Variants in SEMA5A observed in about 807,000 individuals in gnomAD.
SEMA5A encodes semaphorin-5A.
In SEMA5A, 55 loss-of-function variants were observed where a neutral mutation model predicts 135.5. The ratio of observed to expected loss-of-function variants is 0.41; its 90% confidence interval spans 0.33 to 0.51. The LOEUF is 0.51. SEMA5A is among the 20% of genes least tolerant of loss of function. The probability of loss-of-function intolerance (pLI) is 0.37; values close to 1 mark genes in which losing one functional copy is unlikely to be tolerated. For synonymous variants in SEMA5A, 580 were observed against 546.5 expected, an observed-to-expected ratio of 1.06 and a Z score of -0.85; for missense variants, 1,290 against 1,419.9, an observed-to-expected ratio of 0.91 and a Z score of 1.47.
intron 5 of SEMA5A, among the ~76,000 whole-genome samples, chr5:9,241,129 C>G (rs970517265): frequency 5.3e-5 from 8 of 152,078 alleles, no homozygotes; most frequent in Non-Finnish European, 1.0e-4. Flanking sequence ...AGATTAGATA[C>G]AGTAGGCAGT....
intron 16 of SEMA5A, among the ~76,000 whole-genome samples, chr5:9,074,937 G>GA: frequency 6.6e-6 from 1 of 152,178 alleles, no homozygotes; most frequent in Non-Finnish European, 1.5e-5. Flanking sequence ...CCATAGAACG[G>GA]AAAAAGACTC....
At chr5:9,281,538 G>A (rs1003450388) in intron 5 of SEMA5A, among the ~76,000 whole-genome samples, 9 of 152,090 alleles carry the variant, frequency 5.9e-5, no homozygotes, top group South Asian at 2.1e-4. Context: ...GTGCCAAGAC[G>A]GAGAAACCCT....
chr5:9,253,662 T>G (rs1020745207), intron 5 of SEMA5A, among the ~76,000 whole-genome samples: 1 of 152,174 alleles, frequency 6.6e-6, no homozygotes, highest in Admixed American at 6.6e-5. Context: ...AACAAACATA[T>G]AGTGTTTCGT....
At chr5:9,269,369 T>C (rs1749851682) in intron 5 of SEMA5A, among the ~76,000 whole-genome samples, 1 of 152,138 alleles carries the variant, frequency 6.6e-6, no homozygotes, top group Non-Finnish European at 1.5e-5. Flanking sequence ...GTGACTTGTA[T>C]CTGACTCAGT....
At chr5:9,387,209 C>A (rs969510652) in intron 2 of SEMA5A, among the ~76,000 whole-genome samples, 1 of 152,204 alleles carries the variant, frequency 6.6e-6, no homozygotes, top group Non-Finnish European at 1.5e-5. Context: ...GAATCACCCC[C>A]AGACCAGGAG....
chr5:9,133,259 G>T (rs903358604), intron 13 of SEMA5A, among the ~76,000 whole-genome samples: 3 of 152,036 alleles, frequency 2.0e-5, no homozygotes, highest in African/African-American at 7.2e-5. Context: ...TTACATCTAG[G>T]TCATCTCCTT....
intron 21 of SEMA5A, among the ~76,000 whole-genome samples, chr5:9,044,958 A>AT (rs1579293552): frequency 6.6e-6 from 1 of 151,864 alleles, no homozygotes; most frequent in Non-Finnish European, 1.5e-5. Flanking sequence ...CTAATTTTGT[A>AT]TTTTTTAGTA....
chr5:9,166,069 A>G (rs768349957), intron 11 of SEMA5A, among the ~76,000 whole-genome samples: 5 of 152,174 alleles, frequency 3.3e-5, no homozygotes, highest in Non-Finnish European at 7.4e-5. Flanking sequence ...CCTGAAAAGG[A>G]TAGTCAGTCG....
chr5:9,292,031 C>T (rs1026880030), intron 5 of SEMA5A, among the ~76,000 whole-genome samples: 3 of 152,130 alleles, frequency 2.0e-5, no homozygotes, highest in African/African-American at 7.2e-5. Flanking sequence ...AGAAAGATGG[C>T]TGGCTGTCAC....
At position 9,123,888 on chromosome 5, in the gene SEMA5A, C is replaced by G. The variant is rs544641365; in HGVS notation, c.1600-1051G>C. ...TAGAATCCGACGATGGATTCACGAA[C>G]AGGGGCTATCGGAGCAGAGGAGAGA... On this transcript the variant is annotated intron_variant, in intron 13 of 22. Coordinates refer to ENST00000382496, the MANE Select transcript of SEMA5A (RefSeq NM_003966.3). Among the ~76,000 whole-genome samples, 6 of 152,250 alleles carry G rather than the reference C, an allele frequency of 3.9e-5. No homozygotes were observed. The South Asian group carries it at 1.0e-3, about 26-fold the overall frequency.
At position 9,051,873 on chromosome 5, in the gene SEMA5A, C is replaced by G; in HGVS notation, c.2845G>C (p.Glu949Gln). The change falls in exon 20 of 23, where the codon GAA becomes CAA. Residue 949 changes from glutamate to glutamine, a missense_variant and splice_region_variant. Around this residue, in one of 3 missense-constraint regions of SEMA5A, gnomAD observed 1,029 missense variants for 1,086.6 expected, o/e 0.95. Transcript: ENST00000382496. ...PCVFDSNFIP[E>Q]VSVARSSSVE... ...TACTGATAAATACCTCTGCTCTTACCTGGGATGAAATTAGAGTCAAACACA... is the reference window on the plus strand; with the variant it reads ...TACTGATAAATACCTCTGCTCTTACGTGGGATGAAATTAGAGTCAAACACA... 1 of 1,614,140 alleles carries G rather than the reference C, an allele frequency of 6.2e-7. No individual in the cohort carries two copies. The highest frequency in any genetic ancestry group is 8.5e-7 in the Non-Finnish European group (1 of 1,180,018).
At chr5:9,399,131 A>G (rs1756535991) in intron 2 of SEMA5A, among the ~76,000 whole-genome samples, 1 of 152,234 alleles carries the variant, frequency 6.6e-6, no homozygotes, top group African/African-American at 2.4e-5. Context: ...CTGTTCACAT[A>G]AAACTTGTAC....
chr5:9,218,788 A>T (rs549446558), intron 8 of SEMA5A, among the ~76,000 whole-genome samples: 1 of 152,358 alleles, frequency 6.6e-6, no homozygotes, highest in African/African-American at 2.4e-5. Context: ...TGTAGCTTGA[A>T]TGTGCCAGTA....
chr5:9,242,160 T>C (rs376814151), intron 5 of SEMA5A, among the ~76,000 whole-genome samples: 2 of 152,356 alleles, frequency 1.3e-5, no homozygotes, highest in South Asian at 2.1e-4. Context: ...ATATCTTTGT[T>C]CAAAACTGAA....
chr5:9,368,476 T>C (rs1226070473), intron 3 of SEMA5A, among the ~76,000 whole-genome samples: 1 of 152,220 alleles, frequency 6.6e-6, no homozygotes, highest in African/African-American at 2.4e-5. Context: ...AACAAATGTA[T>C]AAAACCTGTC....
intron 5 of SEMA5A, among the ~76,000 whole-genome samples, chr5:9,297,699 T>C (rs1336293550): frequency 6.6e-6 from 1 of 150,410 alleles, no homozygotes; most frequent in African/African-American, 2.4e-5. Context: ...GGACTACAGG[T>C]ACATGCCACC....
At chr5:9,061,836 T>C (rs774807417) in intron 18 of SEMA5A, among the ~76,000 whole-genome samples, 3 of 152,134 alleles carry the variant, frequency 2.0e-5, no homozygotes, top group Non-Finnish European at 4.4e-5. Flanking sequence ...ACTTAATTAA[T>C]GAGGTAGACC....
chr5:9,389,291 C>T (rs551881657), intron 2 of SEMA5A, among the ~76,000 whole-genome samples: 3 of 152,282 alleles, frequency 2.0e-5, no homozygotes, highest in South Asian at 2.1e-4. Context: ...TCTCAGAGGC[C>T]CTTTTCTTCA....
intron 5 of SEMA5A, 50 bp from the exon 6 acceptor site, chr5:9,237,940 G>A (rs957927011): frequency 3.8e-6 from 6 of 1,561,308 alleles, no homozygotes; most frequent in African/African-American, 2.7e-5. Context: ...CTAAATAAAA[G>A]GGAAAATATA....
Sources: gnomAD v4.1 joint callset for allele counts (sites outside exome capture counted in the v4.1 genomes callset) on GRCh38, gnomAD v4.1.1 for gene constraint, gnomAD v4.1.1 regional missense constraint, MANE v1.5 for transcripts, NCBI Gene and HGNC (gene_info 2026-07-23, HGNC 2026-07-21) for gene names.